The following FZD3 variants were observed in gnomAD, a reference collection of about 807,000 sequenced individuals.
The protein encoded by FZD3 is frizzled-3.
FZD3 carries 30 observed loss-of-function variants against 60.7 expected under a neutral mutation model. The ratio of observed to expected loss-of-function variants is 0.49; its 90% CI spans 0.37 to 0.67. The LOEUF is 0.67. Among genes scored for constraint, FZD3 ranks in the 30% least tolerant of loss-of-function variants. The probability of loss-of-function intolerance (pLI) is 0.00; values close to 1 mark genes in which losing one functional copy is unlikely to be tolerated. For synonymous variants in FZD3, 246 were observed against 275.2 expected, an observed-to-expected ratio of 0.89 and a Z score of 1.05; for missense variants, 605 against 838.7, an observed-to-expected ratio of 0.72 and a Z score of 3.44.
At chr8:28,552,864 A>G (rs113511477) in intron 6 of FZD3, among the ~76,000 whole-genome samples, 125 of 150,950 alleles carry the variant, frequency 8.3e-4, no homozygotes, top group African/African-American at 2.8e-3. Context: ...AATATTTGGG[A>G]AAAAAAAAAT....
At position 28,527,870 on chromosome 8, in the gene FZD3, A is replaced by T; in HGVS notation, c.1110A>T (p.Ala370=). Residue 370 remains alanine, a synonymous_variant, in exon 5 of 8, where the codon GCA becomes GCT. Transcript: ENST00000240093. This position sits in a 1 kb window ranked among gnomAD's most constrained non-coding sequence, Gnocchi z 5.0. ...TTGTTGGCCTCTACGATGTTGATGC[A>T]TTGAGATATTTTGTTCTTGCTCCCC... The part of the protein sequence containing the change: ...VCFVGLYDVD[A]LRYFVLAPLC... 6 of 1,614,136 alleles carry T rather than the reference A, an allele frequency of 3.7e-6. No individual in the cohort carries two copies. Among genetic ancestry groups the T allele is most frequent in the Non-Finnish European group, 5.1e-6 (6 of 1,179,986 alleles).
In FZD3 at chr8:28,566,518, T is replaced by C. The variant is rs1013122828; in HGVS notation, c.*3507T>C. 6.6e-6 allele frequency: 1 copy of C among 152,116 alleles called. No individual in the cohort carries two copies. The highest frequency in any genetic ancestry group is 2.4e-5 in the African/African-American group (1 of 41,442). 9.4% of individuals were successfully genotyped at this position (152,116 alleles called of 1,614,324 possible). On this transcript the variant is annotated 3_prime_UTR_variant, in exon 8 of 8. Transcript: ENST00000240093. The stretch of plus-strand genomic sequence containing the variant: ...TAAGAATGTCTTCAAATTAGAAAAA[T>C]TTACTACATTTTAACCTACCTCATC...
Position 28,502,930 on chromosome 8 carries a change from G to A in FZD3, c.-84G>A, listed in dbSNP as rs1288649827. 8 of 811,534 alleles carry A rather than the reference G, an allele frequency of 9.9e-6. No individual in the cohort carries two copies. Among genetic ancestry groups the A allele is most frequent in the African/African-American group, 3.5e-5 (2 of 57,758 alleles). 50.3% of individuals were successfully genotyped at this position (811,534 alleles called of 1,614,324 possible). A position where few individuals can be genotyped will look rare whatever the true frequency, so the allele number is the denominator to read the frequency against. On this transcript the variant is annotated 5_prime_UTR_variant, in exon 3 of 8. Transcript: ENST00000240093. ...AGTAAGATACAGAAGAAGTACCTTC[G>A]AGCTGAGACCTGCAGGTGTATAAAT...
In FZD3 at chr8:28,520,657, A is replaced by C; in HGVS notation, c.209A>C (p.Asn70Thr). ...LAMEPFHPMV[N>T]LDCSRDFRPF... ...CCCTAGCCATTCCACCCTATGGTGA[A>C]TCTGGATTGTTCTCGGGATTTCCGG... The change falls in exon 4 of 8, where the codon AAT (asparagine) becomes ACT (threonine). Residue 70 changes from asparagine (N) to threonine (T), a missense_variant. By Grantham distance (65) the Asn-to-Thr change is moderately conservative. Transcript: ENST00000240093. 6.3e-7 allele frequency: 1 copy of C among 1,593,478 alleles called. No homozygotes were observed. The highest frequency in any genetic ancestry group is 8.6e-7 in the Non-Finnish European group (1 of 1,168,690).
chr8:28,499,627 G>A (rs1176680745), intron 1 of FZD3, among the ~76,000 whole-genome samples: 7 of 151,786 alleles, frequency 4.6e-5, no homozygotes, highest in South Asian at 2.1e-4. Flanking sequence ...AATAACATTT[G>A]AAAATGTTGA....
intron 3 of FZD3, among the ~76,000 whole-genome samples, chr8:28,509,494 G>A (rs1214327943): frequency 6.6e-6 from 1 of 151,806 alleles, no homozygotes; most frequent in African/African-American, 2.4e-5. Context: ...GGTAAGATAT[G>A]CATAATACAT....
chr8:28,536,497 T>G (rs1298956194), intron 5 of FZD3, among the ~76,000 whole-genome samples: 1 of 152,128 alleles, frequency 6.6e-6, no homozygotes, highest in Non-Finnish European at 1.5e-5. Flanking sequence ...CACCTGAGGT[T>G]GGGAGTTCCA....
chr8:28,573,005 C>T lies in FZD3; in HGVS notation c.*9994C>T, dbSNP rs1805832878. On this transcript the variant is annotated 3_prime_UTR_variant, in exon 8 of 8. Coordinates refer to ENST00000240093, the MANE Select transcript of FZD3 (RefSeq NM_017412.4). The stretch of plus-strand genomic sequence containing the variant: ...ATCTAGTACACCCCATAGAGGTACT[C>T]CAGGTGTCTTGGTTTTGGATAAATT... 2 of 151,986 alleles carry T rather than the reference C, an allele frequency of 1.3e-5. No individual in the cohort carries two copies. The highest frequency in any genetic ancestry group is 2.9e-5 in the Non-Finnish European group (2 of 67,984). The allele number at this position is 151,986 out of a possible 1,614,324, so 9.4% of individuals were successfully genotyped here.
intron 6 of FZD3, among the ~76,000 whole-genome samples, chr8:28,555,043 C>T (rs1162343942): frequency 2.0e-5 from 3 of 152,140 alleles, no homozygotes; most frequent in Non-Finnish European, 4.4e-5. Context: ...CCTTTGATAG[C>T]AGTTAAAATT....
At chr8:28,536,361 C>T (rs6985747) in intron 5 of FZD3, among the ~76,000 whole-genome samples, 2 of 152,178 alleles carry the variant, frequency 1.3e-5, no homozygotes, top group African/African-American at 4.8e-5. Flanking sequence ...GTACAGGCAG[C>T]TTAGCCAAGA....
At chr8:28,508,276 A>G (rs1464556768) in intron 3 of FZD3, among the ~76,000 whole-genome samples, 2 of 152,114 alleles carry the variant, frequency 1.3e-5, no homozygotes, top group African/African-American at 4.8e-5. Context: ...GCTTCATAAA[A>G]TTCCGCGTCA....
At chr8:28,548,092 A>T (rs1240274578) in intron 5 of FZD3, among the ~76,000 whole-genome samples, 2 of 152,050 alleles carry the variant, frequency 1.3e-5, no homozygotes, top group African/African-American at 4.8e-5. Context: ...ACATCAGGTG[A>T]TCTGCCTGCC....
chr8:28,551,532 AG>A, intron 5 of FZD3, 70 bp from the exon 6 acceptor site: 1 of 1,170,040 alleles, frequency 8.5e-7, no homozygotes, highest in South Asian at 1.4e-5. Context: ...AAAAAGAAAA[AG>A]ATTTCATAAT....
chr8:28,499,641 ATTGAAGGTGTTCT>A (rs1803938638), intron 1 of FZD3, among the ~76,000 whole-genome samples: 1 of 152,074 alleles, frequency 6.6e-6, no homozygotes, highest in African/African-American at 2.4e-5. Flanking sequence ...ATGTTGAAAT[ATTGAAGGTGTTCT>A]TTACCCTGTA....
At chr8:28,494,423 C>T (rs1803779071) in intron 1 of FZD3, 80 bp downstream of exon 1, 1 of 152,236 alleles carries the variant, frequency 6.6e-6, no homozygotes, top group African/African-American at 2.4e-5. Flanking sequence ...GAGGAGGCGC[C>T]GCGCGGCTGC....
intron 3 of FZD3, among the ~76,000 whole-genome samples, chr8:28,513,991 A>G (rs932404847): frequency 3.9e-5 from 6 of 152,206 alleles, no homozygotes; most frequent in African/African-American, 1.4e-4. Context: ...GAATGGTAGC[A>G]CAAAGGCTTG....
chr8:28,516,871 T>C (rs1426149482), intron 3 of FZD3, among the ~76,000 whole-genome samples: 2 of 152,170 alleles, frequency 1.3e-5, no homozygotes, highest in Non-Finnish European at 1.5e-5. Flanking sequence ...TTATGATGTG[T>C]ACTTTTGACT....
chr8:28,497,746 C>T (rs1803881321), intron 1 of FZD3, among the ~76,000 whole-genome samples: 1 of 152,178 alleles, frequency 6.6e-6, no homozygotes, highest in Non-Finnish European at 1.5e-5. Context: ...TCTTTTGTTG[C>T]AGAACCCCTT....
intron 4 of FZD3, among the ~76,000 whole-genome samples, chr8:28,521,434 T>C (rs1301572097): frequency 1.3e-5 from 2 of 152,146 alleles, no homozygotes; most frequent in Non-Finnish European, 2.9e-5. Flanking sequence ...ATTTGTATTC[T>C]GAAATATTTC....
Sources: allele counts gnomAD v4.1 joint callset (sites outside exome capture counted in the v4.1 genomes callset), GRCh38; gene constraint gnomAD v4.1.1; non-coding constraint Gnocchi (gnomAD v3.1); transcripts MANE v1.5; gene names NCBI Gene and HGNC (gene_info 2026-07-23, HGNC 2026-07-21).